The following NTMT1 variants were observed in gnomAD, a reference collection of about 807,000 sequenced individuals.
NTMT1 encodes the protein N-terminal Xaa-Pro-Lys N-methyltransferase 1.
Under a neutral mutation model 17.5 loss-of-function variants are expected in NTMT1, and 8 were observed. The observed-to-expected ratio is 0.46, with a 90% CI of 0.27 to 0.82. NTMT1 has a LOEUF of 0.82. NTMT1 is among the 40% of genes least tolerant of loss of function. NTMT1 has a pLI of 0.15. For missense variants in NTMT1, 221 were observed against 303.5 expected, an observed-to-expected ratio of 0.73 and a Z score of 2.02; for synonymous variants, 128 against 126.8, an observed-to-expected ratio of 1.01 and a Z score of -0.06.
intron 3 of NTMT1, 69 bp from the exon 4 acceptor site, chr9:129,635,139 A>G (rs1199045402): frequency 1.6e-5 from 25 of 1,544,730 alleles, no homozygotes; most frequent in Non-Finnish European, 2.0e-5. Context: ...GGGGCTGAGA[A>G]GTACATCCCA....
rs1319234293 is a variant in NTMT1, at chr9:129,620,154, C to T, written c.-55+10976C>T. ...CTGGGGAGGAGCTCTCCTAGGAAGG[C>T]GCCCAAGAAGTCGGGGTCCTCCCTG... On this transcript the variant is annotated intron_variant, in intron 1 of 3. Transcript: ENST00000372486. The surrounding 1 kb of genome is among the most constrained non-coding windows in gnomAD (Gnocchi z 5.8). 1 of 1,461,376 alleles carries T rather than the reference C, an allele frequency of 6.8e-7. No homozygotes were observed. Among genetic ancestry groups the T allele is most frequent in the Non-Finnish European group, 9.1e-7 (1 of 1,102,310 alleles). The allele number at this position is 1,461,376 out of a possible 1,614,324, so 90.5% of individuals were successfully genotyped here. A position where few individuals can be genotyped will look rare whatever the true frequency, so the allele number is the denominator to read the frequency against.
At chr9:129,625,782 C>A (rs1260712547), upstream of NTMT1, among the ~76,000 whole-genome samples, 1 of 151,810 alleles carries the variant, frequency 6.6e-6, no homozygotes, top group Non-Finnish European at 1.5e-5. Flanking sequence ...AAGGCAGAGG[C>A]GGGCGGATCA....
intron 1 of NTMT1, among the ~76,000 whole-genome samples, chr9:129,617,131 AT>A (rs1474545650): frequency 6.6e-6 from 1 of 152,182 alleles, no homozygotes; most frequent in Non-Finnish European, 1.5e-5. Flanking sequence ...TGACCCACCT[AT>A]AACTCTGTTA....
rs1481320632 is a variant in NTMT1 at position 129,632,505 on chromosome 9, A to G, written c.-54-145A>G. 9 of 586,414 alleles carry G rather than the reference A, an allele frequency of 1.5e-5. No individual in the cohort carries two copies. In the East Asian group the frequency reaches 2.6e-4, roughly 17 times the overall value. 36.3% of individuals were successfully genotyped at this position (586,414 alleles called of 1,614,324 possible). ...CAGAAGATGCTGTTATCCAAGGGGT[A>G]GAAGCAGATTTGGGGACCCTGGACT... On this transcript the variant is annotated intron_variant, in intron 1 of 3. Coordinates refer to ENST00000372483, the MANE Select transcript of NTMT1 (RefSeq NM_014064.4).
chr9:129,619,785 G>T, intron 1 of NTMT1: 1 of 1,614,074 alleles, frequency 6.2e-7, no homozygotes, highest in Non-Finnish European at 8.5e-7. Flanking sequence ...CGGAGACCCT[G>T]GGCAGTGCTC....
Position 129,619,983 on chromosome 9 carries a change from T to C in NTMT1, c.-55+10805T>C, listed in dbSNP as rs540670707. On this transcript the variant is annotated intron_variant, in intron 1 of 3. Coordinates refer to the NTMT1 transcript ENST00000372486. ...ATTAGCATCCTTCTAGCCTGGGTGG[T>C]GGGGTGGTGGGTGCGGGGACACAAG... 2,436 of 1,461,750 alleles carry C rather than the reference T, an allele frequency of 1.7e-3. 11 individuals are homozygous for C. The highest frequency in any genetic ancestry group is 3.3e-3 in the Admixed American group (158 of 47,424). 90.5% of individuals were successfully genotyped at this position (1,461,750 alleles called of 1,614,324 possible). A position where few individuals can be genotyped will look rare whatever the true frequency, so the allele number is the denominator to read the frequency against.
Position 129,631,973 on chromosome 9 carries a change from G to A in NTMT1, c.-54-677G>A, listed in dbSNP as rs112360860. 8.1e-3 allele frequency among the ~76,000 whole-genome samples: 1,237 copies of A among 152,298 alleles called. 20 individuals carry two copies. The highest frequency in any genetic ancestry group is 0.027 in the African/African-American group (1,137 of 41,560). ...CACAGAGTCCCCACTCCTTGTTAAC[G>A]GAGGACTGGACCCCACCGTGAGTTG... On this transcript the variant is annotated intron_variant, in intron 1 of 3. Transcript: ENST00000372483.
Position 129,635,568 on chromosome 9 carries a change from AC to A in NTMT1, c.*106del. 7.5e-7 allele frequency: 1 copy of A among 1,334,868 alleles called. No individual in the cohort carries two copies. The highest frequency in any genetic ancestry group is 1.0e-6 in the Non-Finnish European group (1 of 972,450). 82.7% of individuals were successfully genotyped at this position (1,334,868 alleles called of 1,614,324 possible). ...GCTGGCGGTTCGTGAGTGTCGAGGC[AC>A]CACTAAATATAGCTGTCTGCCGTCC... On this transcript the variant is annotated 3_prime_UTR_variant, in exon 4 of 4. Coordinates refer to ENST00000372483, the MANE Select transcript of NTMT1 (RefSeq NM_014064.4).
intron 1 of NTMT1, among the ~76,000 whole-genome samples, chr9:129,631,805 G>C (rs567045950): frequency 1.3e-5 from 2 of 152,240 alleles, no homozygotes; most frequent in East Asian, 3.9e-4. Flanking sequence ...GCCTTCCCTG[G>C]TCCCCGCACC....
chr9:129,617,321 A>C (rs1254685848), intron 1 of NTMT1, among the ~76,000 whole-genome samples: 1 of 152,208 alleles, frequency 6.6e-6, no homozygotes, highest in Non-Finnish European at 1.5e-5. Context: ...GGACCTAGTC[A>C]TCTAACAGTT....
chr9:129,610,122 G>T, intron 1 of NTMT1, among the ~76,000 whole-genome samples: 1 of 149,054 alleles, frequency 6.7e-6, no homozygotes, highest in East Asian at 2.0e-4. Context: ...GGAGGGAGTG[G>T]ACAGCGCAGG....
At chr9:129,612,129 T>C in intron 1 of NTMT1, 1 of 528,894 alleles carries the variant, frequency 1.9e-6, no homozygotes, top group East Asian at 3.1e-5. Context: ...ACCCCAGGGA[T>C]GCCCTGTCCC....
intron 1 of NTMT1, among the ~76,000 whole-genome samples, chr9:129,615,038 C>T (rs571165607): frequency 2.0e-5 from 3 of 152,350 alleles, no homozygotes; most frequent in Non-Finnish European, 4.4e-5. Context: ...GTTTCCGCTT[C>T]GCGGCTTTTC....
intron 1 of NTMT1, chr9:129,612,149 G>C (rs1830127129): frequency 1.8e-6 from 1 of 569,754 alleles, no homozygotes; most frequent in South Asian, 2.0e-5. Flanking sequence ...CCACCCCTCA[G>C]CCTCATCCTG....
chr9:129,635,170 G>A lies in NTMT1; in HGVS notation c.416-38G>A, dbSNP rs1000035606. 7 of 1,586,762 alleles carry A rather than the reference G, an allele frequency of 4.4e-6. No homozygotes were observed. The African/African-American group carries it at 8.0e-5, about 18-fold the overall frequency. On this transcript the variant is annotated intron_variant, in intron 3 of 3. Transcript: ENST00000372483. ...TCCCATCCAGTGCCGACATCCGCTT[G>A]CATGGTGCCCTGGTAACCTTGCCTC...
In NTMT1 at chr9:129,635,605, C is replaced by T. The variant is rs982375852; in HGVS notation, c.*141C>T. 22 of 1,077,604 alleles carry T rather than the reference C, an allele frequency of 2.0e-5. No homozygotes were observed. The highest frequency in any genetic ancestry group is 9.5e-5 in the African/African-American group (6 of 63,462). The allele number at this position is 1,077,604 out of a possible 1,614,324, so 66.8% of individuals were successfully genotyped here. On this transcript the variant is annotated 3_prime_UTR_variant, in exon 4 of 4. Transcript: ENST00000372483. ...AGCTGTCTGCCGTCCACTCATTATG[C>T]GGGCTCTTCTTCAAAAGGCAAGGTG...
chr9:129,613,706 T>C lies in NTMT1; in HGVS notation c.-55+4528T>C. ...AGGGCCGGTCAGAGCCCTGTCTCCA[T>C]GGCAACCCCAGGCTCCCCAGCGCCT... On this transcript the variant is annotated intron_variant, in intron 1 of 3. Transcript: ENST00000372486. The surrounding 1 kb of genome is among the most constrained non-coding windows in gnomAD (Gnocchi z 6.2). 3 of 1,405,438 alleles carry C rather than the reference T, an allele frequency of 2.1e-6. No individual in the cohort carries two copies. Among genetic ancestry groups the C allele is most frequent in the Non-Finnish European group, 2.9e-6 (3 of 1,030,632 alleles). The allele number at this position is 1,405,438 out of a possible 1,614,324, so 87.1% of individuals were successfully genotyped here.
chr9:129,633,928 C>G, intron 2 of NTMT1, 126 bp from the exon 3 acceptor site: 2 of 1,110,624 alleles, frequency 1.8e-6, no homozygotes, highest in Non-Finnish European at 2.5e-6. Context: ...CAGACCTCCC[C>G]ACCAGTGCTC....
chr9:129,619,857 G>A lies in NTMT1; in HGVS notation c.-55+10679G>A, dbSNP rs200919555. On this transcript the variant is annotated intron_variant, in intron 1 of 3. Coordinates refer to the NTMT1 transcript ENST00000372486. ...TGGAGCCAGGAGGAAACAGTTGTGA[G>A]CCTTGGCTGGGGGACGGTCCTTTCT... The A allele has an allele frequency of 1.3e-4, 206 of 1,608,616 alleles. 3 individuals are homozygous for A. In the South Asian group the frequency reaches 2.0e-3, roughly 15 times the overall value.
Sources: gnomAD v4.1 joint callset for allele counts (sites outside exome capture counted in the v4.1 genomes callset) on GRCh38, gnomAD v4.1.1 for gene constraint, Gnocchi (gnomAD v3.1) non-coding constraint, MANE v1.5 for transcripts, NCBI Gene and HGNC (gene_info 2026-07-23, HGNC 2026-07-21) for gene names.